Variants in MAP3K11 observed in about 807,000 individuals in gnomAD.
MAP3K11 encodes mitogen-activated protein kinase kinase kinase 11.
In MAP3K11, 46 loss-of-function variants were observed where a neutral mutation model predicts 84.9. That is an observed-to-expected ratio of 0.54 (90% CI 0.43 to 0.69). The LOEUF is 0.69. Among genes scored for constraint, MAP3K11 ranks in the 30% least tolerant of loss-of-function variants. The pLI, the probability that MAP3K11 is intolerant of heterozygous loss-of-function variation, is 0.00. For synonymous variants in MAP3K11, 527 were observed against 514.7 expected (o/e 1.02, Z -0.32); for missense variants, 1,053 against 1,198.3 (o/e 0.88, Z 1.79).
At position 65,613,436 on chromosome 11, in the gene MAP3K11, G is replaced by A; in HGVS notation, c.321C>T (p.Pro107=). 1 of 1,612,402 alleles carries A rather than the reference G, an allele frequency of 6.2e-7. No homozygotes were observed. Among genetic ancestry groups the A allele is most frequent in the Non-Finnish European group, 8.5e-7 (1 of 1,179,556 alleles). ...SNYVSRGGGP[P]PCEVASFQEL... is the part of the protein sequence containing the mutation. ...CCTGGAAGCTGGCCACCTCGCAGGG[G>A]GGCGGGCCGCCACCCCGAGACACAT... The change falls in exon 1 of 10, where the codon CCC becomes CCT. Residue 107 remains proline (P), a synonymous_variant. Coordinates refer to ENST00000309100, the MANE Select transcript of MAP3K11 (RefSeq NM_002419.4).
intron 8 of MAP3K11, chr11:65,605,445 T>C (rs962080082): frequency 4.0e-5 from 9 of 225,878 alleles, no homozygotes; most frequent in Non-Finnish European, 7.7e-5. Flanking sequence ...CTTTCTTTTC[T>C]CCCTGGAGCC....
In MAP3K11 at chr11:65,598,318, G is replaced by A; in HGVS notation, c.2517C>T (p.Ala839=). ...RAQTKDMGAQ[A]PWVPEAGP is the part of the protein sequence containing the mutation. ...AAGGCCCCGCTTCCGGCACCCACGG[G>A]GCCTGGGCACCCATGTCTTTGGTCT... Residue 839 remains alanine (A), a synonymous_variant, in exon 10 of 10, where the codon GCC becomes GCT. Transcript: ENST00000309100. 1 of 1,480,438 alleles carries A rather than the reference G, an allele frequency of 6.8e-7. No homozygotes were observed. The highest frequency in any genetic ancestry group is 9.0e-7 in the Non-Finnish European group (1 of 1,114,292). The allele number at this position is 1,480,438 out of a possible 1,614,324, so 91.7% of individuals were successfully genotyped here. A position where few individuals can be genotyped will look rare whatever the true frequency, so the allele number is the denominator to read the frequency against.
Position 65,599,459 on chromosome 11 carries a change from A to G in MAP3K11, c.2141T>C (p.Leu714Pro). Reference sequence around the variant, plus strand: ...CTGGCCCACAGGGATACCCAGGTCCAGCAACAGGGGTGCAGGAGTGGGCGG... The same window carrying G: ...CTGGCCCACAGGGATACCCAGGTCCGGCAACAGGGGTGCAGGAGTGGGCGG... ...DSPPTPAPLL[L>P]DLGIPVGQRS... Residue 714 changes from leucine to proline, a missense_variant, in exon 9 of 10, where the codon CTG becomes CCG. By Grantham distance (98) the Leu-to-Pro change is moderately conservative. Around this residue, in one of 3 missense-constraint regions of MAP3K11, gnomAD observed 583 missense variants for 566.6 expected, o/e 1.03. Transcript: ENST00000309100. 3 of 1,517,584 alleles carry G rather than the reference A, an allele frequency of 2.0e-6. No homozygotes were observed. The highest frequency in any genetic ancestry group is 2.7e-5 in the Admixed American group (1 of 36,912). The allele number at this position is 1,517,584 out of a possible 1,614,324, so 94.0% of individuals were successfully genotyped here.
At chr11:65,608,197 C>T (rs1009897579) in intron 2 of MAP3K11, 71 bp downstream of exon 2, 2 of 1,591,560 alleles carry the variant, frequency 1.3e-6, no homozygotes, top group Non-Finnish European at 1.7e-6. Context: ...TGGCCCAGCC[C>T]TAGATTTAGG....
intron 2 of MAP3K11, 31 bp from the exon 3 acceptor site, chr11:65,608,101 T>C (rs1448467786): frequency 6.2e-7 from 1 of 1,607,090 alleles, no homozygotes; most frequent in Non-Finnish European, 8.5e-7. Context: ...CTGTGTTCCC[T>C]TTTCTCTCCC....
At position 65,598,083 on chromosome 11, in the gene MAP3K11, G is replaced by T. The variant is rs978574589; in HGVS notation, c.*208C>A. 4.9e-6 allele frequency: 2 copies of T among 411,396 alleles called. No individual in the cohort carries two copies. The highest frequency in any genetic ancestry group is 2.0e-5 in the African/African-American group (1 of 48,884). The allele number at this position is 411,396 out of a possible 1,614,324, so 25.5% of individuals were successfully genotyped here. On this transcript the variant is annotated 3_prime_UTR_variant, in exon 10 of 10. Transcript: ENST00000309100. ...TGGGCCCCAGTAGGGCAGGTGAGCTGGGGGGACCTACAGGTTTCAGATGTG... is the reference window on the plus strand; with the variant it reads ...TGGGCCCCAGTAGGGCAGGTGAGCTTGGGGGACCTACAGGTTTCAGATGTG...
At chr11:65,603,948 A>T (rs1590855121) in intron 8 of MAP3K11, among the ~76,000 whole-genome samples, 1 of 151,812 alleles carries the variant, frequency 6.6e-6, no homozygotes, top group South Asian at 2.3e-4. Flanking sequence ...CGGCTCTCTC[A>T]GTTTGCAGGG....
intron 2 of MAP3K11, 29 bp downstream of exon 2, chr11:65,608,239 A>G (rs771552529): frequency 7.5e-6 from 12 of 1,607,086 alleles, no homozygotes; most frequent in Non-Finnish European, 1.0e-5. Context: ...GCCCCGTAGC[A>G]GCCCGTCCAG....
Position 65,613,679 on chromosome 11 carries a change from G to A in MAP3K11, c.78C>T (p.Gly26=), listed in dbSNP as rs764206080. 1.1e-5 allele frequency: 11 copies of A among 1,008,200 alleles called. No homozygotes were observed. The highest frequency in any genetic ancestry group is 3.8e-5 in the South Asian group (3 of 78,816). 62.5% of individuals were successfully genotyped at this position (1,008,200 alleles called of 1,614,324 possible). The change falls in exon 1 of 10, where the codon GGC becomes GGT. Residue 26 remains glycine (G), a synonymous_variant. Transcript: ENST00000309100. The stretch of plus-strand genomic sequence containing the variant: ...ACCCCTCAGGCCGGCCTCCTCCACC[G>A]CCCCCACCACCCCCGCTGCCACTGC... ...WNGSGSGGGG[G]GGGGRPEGSP...
At chr11:65,606,626 A>G (rs928948458) in intron 6 of MAP3K11, 65 bp downstream of exon 6, 1 of 1,248,262 alleles carries the variant, frequency 8.0e-7, no homozygotes, top group Non-Finnish European at 1.1e-6. Flanking sequence ...GCCTCCAAGA[A>G]TAAGGTCTGA....
rs1043067985 is a variant in MAP3K11 at position 65,598,227 on chromosome 11, T to C, written c.*64A>G. 5 of 1,301,998 alleles carry C rather than the reference T, an allele frequency of 3.8e-6. No individual in the cohort carries two copies. The highest frequency in any genetic ancestry group is 4.0e-6 in the Non-Finnish European group (4 of 1,007,258). The allele number at this position is 1,301,998 out of a possible 1,614,324, so 80.7% of individuals were successfully genotyped here. On this transcript the variant is annotated 3_prime_UTR_variant, in exon 10 of 10. Coordinates refer to ENST00000309100, the MANE Select transcript of MAP3K11 (RefSeq NM_002419.4). ...CAGCTGCAGAGGCTGACCCAGCTCCTGTTCCAGTGTATGCTGTGACTCCTC... is the reference window on the plus strand; with the variant it reads ...CAGCTGCAGAGGCTGACCCAGCTCCCGTTCCAGTGTATGCTGTGACTCCTC...
In MAP3K11 at chr11:65,613,049, G is replaced by A. The variant is rs144950486; in HGVS notation, c.708C>T (p.Pro236=). 1.9e-4 allele frequency: 287 copies of A among 1,519,470 alleles called. 1 individual carries two copies. Among genetic ancestry groups the A allele is most frequent in the Non-Finnish European group, 2.2e-4 (255 of 1,134,332 alleles). The allele number at this position is 1,519,470 out of a possible 1,614,324, so 94.1% of individuals were successfully genotyped here. A position where few individuals can be genotyped will look rare whatever the true frequency, so the allele number is the denominator to read the frequency against. ...MHYLHCEALV[P]VIHRDLKSNN... is the part of the protein sequence containing the mutation. ...TGGACTTGAGATCACGGTGGATGACGGGCACCAGGGCCTCGCAGTGCAGGT... is the reference window on the plus strand; with the variant it reads ...TGGACTTGAGATCACGGTGGATGACAGGCACCAGGGCCTCGCAGTGCAGGT... The change falls in exon 1 of 10, where the codon CCC becomes CCT. Residue 236 remains proline, a synonymous_variant. Transcript: ENST00000309100.
rs749367172 is a variant in MAP3K11, at chr11:65,607,745, C to T, written c.1141G>A (p.Ala381Thr). Residue 381 changes from alanine (A) to threonine (T), a missense_variant, in exon 4 of 10, where the codon GCA (alanine) becomes ACA (threonine). Ala to Thr is a moderately conservative substitution (Grantham distance 58). Transcript: ENST00000309100. Reference protein sequence around the residue: ...SILQQLEALEAQVLREMPRDS... With the variant: ...SILQQLEALETQVLREMPRDS... Reference sequence around the variant, plus strand: ...CGCGGCATTTCCCGTAGGACCTGTGCCTCCAGCGCCTCCAACTGCTGCAGG... The same window carrying T: ...CGCGGCATTTCCCGTAGGACCTGTGTCTCCAGCGCCTCCAACTGCTGCAGG... 4 of 1,613,754 alleles carry T rather than the reference C, an allele frequency of 2.5e-6. No homozygotes were observed. In the South Asian group the frequency reaches 3.3e-5, roughly 13 times the overall value.
chr11:65,608,549 C>T (rs1854539298), intron 1 of MAP3K11, 101 bp from the exon 2 acceptor site: 18 of 1,052,328 alleles, frequency 1.7e-5, no homozygotes, highest in South Asian at 7.3e-5. Flanking sequence ...TGGCTGGGTC[C>T]TGGGGGCACA....
rs892347852 is a variant in MAP3K11, at chr11:65,613,055, C to T, written c.702G>A (p.Leu234=). The change falls in exon 1 of 10, where the codon CTG becomes CTA. Residue 234 remains leucine, a synonymous_variant. Coordinates refer to ENST00000309100, the MANE Select transcript of MAP3K11 (RefSeq NM_002419.4). ...RGMHYLHCEA[L]VPVIHRDLKS... is the part of the protein sequence containing the mutation. ...TGAGATCACGGTGGATGACGGGCAC[C>T]AGGGCCTCGCAGTGCAGGTAGTGCA... is the stretch of plus-strand genomic sequence containing the variant. 5 of 1,521,556 alleles carry T rather than the reference C, an allele frequency of 3.3e-6. No homozygotes were observed. The highest frequency in any genetic ancestry group is 8.8e-7 in the Non-Finnish European group (1 of 1,135,600). 94.3% of individuals were successfully genotyped at this position (1,521,556 alleles called of 1,614,324 possible).
In MAP3K11 at chr11:65,605,974, G is replaced by A; in HGVS notation, c.1711C>T (p.Pro571Ser). The part of the protein sequence containing the change: ...RACWAWGPSS[P>S]KPGEAQNGRR... Reference sequence around the variant, plus strand: ...CCATTCTGGGCTTCCCCAGGCTTGGGGGAACTGGGACCCCAAGCCCAGCAT... The same window carrying A: ...CCATTCTGGGCTTCCCCAGGCTTGGAGGAACTGGGACCCCAAGCCCAGCAT... Residue 571 changes from proline (P) to serine (S), a missense_variant, in exon 7 of 10, where the codon CCC (proline) becomes TCC (serine). Physicochemically the swap from Pro to Ser is moderately conservative, Grantham distance 74 (BLOSUM62 -1). Around this residue, in one of 3 missense-constraint regions of MAP3K11, gnomAD observed 583 missense variants for 566.6 expected, o/e 1.03. Transcript: ENST00000309100. The A allele has an allele frequency of 6.2e-7, 1 of 1,602,612 alleles. No individual in the cohort carries two copies.
rs757921400 is a variant in MAP3K11 at position 65,598,425 on chromosome 11, T to G, written c.2410A>C (p.Thr804Pro). The change falls in exon 10 of 10, where the codon ACC becomes CCC. Residue 804 changes from threonine to proline, a missense_variant. Thr to Pro is a conservative substitution (Grantham distance 38). This residue lies in a region of MAP3K11 where 583 missense variants were observed against 566.6 expected (regional missense o/e 1.03). Coordinates refer to ENST00000309100, the MANE Select transcript of MAP3K11 (RefSeq NM_002419.4). ...PQPAPRRAPW[T>P]LFPDSDPFWD... Reference sequence around the variant, plus strand: ...AAGGGGTCTGAGTCCGGGAACAAGGTCCAGGGTGCTCGGCGGGGTGCAGGC... The same window carrying G: ...AAGGGGTCTGAGTCCGGGAACAAGGGCCAGGGTGCTCGGCGGGGTGCAGGC... 1.9e-6 allele frequency: 3 copies of G among 1,602,472 alleles called. No homozygotes were observed. Among genetic ancestry groups the G allele is most frequent in the Admixed American group, 3.4e-5 (2 of 59,208 alleles).
Position 65,607,333 on chromosome 11 carries a change from C to CGCG in MAP3K11, c.1423_1425dup (p.Arg475dup). 1 of 1,510,570 alleles carries CGCG rather than the reference C, an allele frequency of 6.6e-7. No homozygotes were observed. The highest frequency in any genetic ancestry group is 8.8e-7 in the Non-Finnish European group (1 of 1,138,534). The allele number at this position is 1,510,570 out of a possible 1,614,324, so 93.6% of individuals were successfully genotyped here. On this transcript the variant is annotated inframe_insertion, in exon 5 of 10. Transcript: ENST00000309100. ...CGGAGCTTGCTGCGCTTGAATGTCC[C>CGCG]GCGGCGGCGGCGCACGTGCGGTCGC... is the stretch of plus-strand genomic sequence containing the variant.
rs1854613477 is a variant in MAP3K11 at position 65,613,725 on chromosome 11, C to T, written c.32G>A (p.Ser11Asn). 2.5e-6 allele frequency: 4 copies of T among 1,585,910 alleles called. No individual in the cohort carries two copies. The highest frequency in any genetic ancestry group is 2.7e-5 in the African/African-American group (2 of 74,314). ...ACTGCCATTCCATGACCCTAGAGGG[C>T]TCTTGAGGAAGAGGCTCTTCAAGGG... MEPLKSLFLK[S>N]PLGSWNGSGS... Residue 11 changes from serine to asparagine, a missense_variant, in exon 1 of 10, where the codon AGC becomes AAC. Ser to Asn is a conservative substitution (Grantham distance 46). Around this residue, in one of 3 missense-constraint regions of MAP3K11, gnomAD observed 160 missense variants for 167.3 expected, o/e 0.96. Coordinates refer to ENST00000309100, the MANE Select transcript of MAP3K11 (RefSeq NM_002419.4).
Sources: gnomAD v4.1 joint callset for allele counts (sites outside exome capture counted in the v4.1 genomes callset) on GRCh38, gnomAD v4.1.1 for gene constraint, gnomAD v4.1.1 regional missense constraint, MANE v1.5 for transcripts, NCBI Gene and HGNC (gene_info 2026-07-23, HGNC 2026-07-21) for gene names.